DNAH11: variants seen among roughly 807,000 people sequenced by gnomAD.
DNAH11 encodes axonemal beta dynein heavy chain 11.
DNAH11 carries 442 observed loss-of-function variants against 526.0 expected under a neutral mutation model. The ratio of observed to expected loss-of-function variants is 0.84; its 90% confidence interval spans 0.78 to 0.91. The LOEUF is 0.91. DNAH11 is among the 40% of genes least tolerant of loss of function. The pLI is 0.00. For missense variants in DNAH11, 6,989 were observed against 5,448.7 expected (o/e 1.28, Z -8.90); for synonymous variants, 2,461 against 1,935.9 (o/e 1.27, Z -7.12).
At chr7:21,725,594 A>G (rs1384396471) in intron 44 of DNAH11, among the ~76,000 whole-genome samples, 2 of 152,236 alleles carry the variant, frequency 1.3e-5, no homozygotes, top group African/African-American at 4.8e-5. Context: ...GAATTTGCAT[A>G]ATACGTTGTC....
At chr7:21,771,269 A>G (rs773530964) in intron 55 of DNAH11, among the ~76,000 whole-genome samples, 4 of 152,164 alleles carry the variant, frequency 2.6e-5, no homozygotes, top group African/African-American at 9.7e-5. Flanking sequence ...CAATGTAGTC[A>G]TCTTTGCTGG....
chr7:21,848,851 G>C (rs1416921066), intron 66 of DNAH11, among the ~76,000 whole-genome samples: 1 of 151,846 alleles, frequency 6.6e-6, no homozygotes, highest in Non-Finnish European at 1.5e-5. Context: ...CTTAGCATTT[G>C]CAATATACAT....
chr7:21,543,413 C>G lies in DNAH11; in HGVS notation c.168C>G (p.Asp56Glu), dbSNP rs978373825. ...GGAGAGCGCGGAGTTTCGCCCAAGA[C>G]GCGCGGGTGCGCTTCCTCGGCGGCC... ...AARRARSFAQ[D>E]ARVRFLGGRL... is the part of the protein sequence containing the mutation. Residue 56 changes from aspartate to glutamate, a missense_variant, in exon 1 of 82, where the codon GAC (aspartate) becomes GAG (glutamate). By Grantham distance (45) the Asp-to-Glu change is conservative (BLOSUM62 2). Coordinates refer to ENST00000409508, the MANE Select transcript of DNAH11 (RefSeq NM_001277115.2). 18 of 1,554,226 alleles carry G rather than the reference C, an allele frequency of 1.2e-5. No individual in the cohort carries two copies. In the Admixed American group the frequency reaches 2.3e-4, roughly 20 times the overall value.
rs556451786 is a variant in DNAH11 at position 21,852,297 on chromosome 7, C to T, written c.10897-170C>T. Among the ~76,000 whole-genome samples the T allele has an allele frequency of 4.0e-5, 6 of 151,726 alleles. No homozygotes were observed. In the East Asian group the frequency reaches 9.7e-4, roughly 25 times the overall value. ...TGGCAGGCACCTGTAATCTCAGCTA[C>T]TCGGGAGGCTGAGGCAGGAGAATCG... On this transcript the variant is annotated intron_variant, in intron 66 of 81. Transcript: ENST00000409508.
At chr7:21,854,986 G>A (rs1056484967) in intron 68 of DNAH11, among the ~76,000 whole-genome samples, 15 of 151,012 alleles carry the variant, frequency 9.9e-5, no homozygotes, top group Middle Eastern at 3.5e-3. Context: ...CTGTGCATAC[G>A]GTATCATATT....
intron 30 of DNAH11, among the ~76,000 whole-genome samples, chr7:21,671,148 C>A (rs951258039): frequency 1.3e-5 from 2 of 152,114 alleles, no homozygotes; most frequent in South Asian, 4.2e-4. Context: ...AAATTGATTT[C>A]TTTTATACAT....
chr7:21,773,789 C>A lies in DNAH11; in HGVS notation c.9126C>A (p.Ser3042Arg). 1 of 1,601,400 alleles carries A rather than the reference C, an allele frequency of 6.2e-7. No homozygotes were observed. Among genetic ancestry groups the A allele is most frequent in the Non-Finnish European group, 8.5e-7 (1 of 1,174,306 alleles). The change falls in exon 56 of 82, where the codon AGC becomes AGA. Residue 3042 changes from serine to arginine, a missense_variant. Coordinates refer to ENST00000409508, the MANE Select transcript of DNAH11 (RefSeq NM_001277115.2). ...GIEPVHKDSISLFMAHVHTTV... is the reference protein window; with the variant it reads ...GIEPVHKDSIRLFMAHVHTTV... The stretch of plus-strand genomic sequence containing the variant: ...AGCCAGTGCACAAAGACTCTATTAG[C>A]CTTTTCATGGCACATGTTCACACCA...
chr7:21,599,939 G>T lies in DNAH11; in HGVS notation c.2820G>T (p.Pro940=), dbSNP rs377575914. 6 of 1,613,284 alleles carry T rather than the reference G, an allele frequency of 3.7e-6. No homozygotes were observed. The African/African-American group carries it at 8.0e-5, about 22-fold the overall frequency. Residue 940 remains proline (P), a synonymous_variant, in exon 15 of 82, where the codon CCG becomes CCT. Coordinates refer to ENST00000409508, the MANE Select transcript of DNAH11 (RefSeq NM_001277115.2). ...AGAATACAGAGAAACAATTGAAACC[G>T]GCACCGTTTTTTCAAGCACAAATGA... is the stretch of plus-strand genomic sequence containing the variant. ...FLKNTEKQLK[P]APFFQAQMIL...
At chr7:21,733,374 G>C (rs1001043339) in intron 45 of DNAH11, among the ~76,000 whole-genome samples, 1 of 152,108 alleles carries the variant, frequency 6.6e-6, no homozygotes, top group Admixed American at 6.6e-5. Flanking sequence ...AGCAACAAGA[G>C]CGAGACTCCA....
intron 66 of DNAH11, among the ~76,000 whole-genome samples, chr7:21,849,129 C>T (rs549442278): frequency 2.0e-5 from 3 of 152,356 alleles, no homozygotes; most frequent in African/African-American, 7.2e-5. Context: ...AGGTGTTCCA[C>T]CTGCCTCGGC....
intron 9 of DNAH11, among the ~76,000 whole-genome samples, chr7:21,584,320 A>G (rs1047186625): frequency 2.0e-5 from 3 of 152,160 alleles, no homozygotes; most frequent in Non-Finnish European, 4.4e-5. Flanking sequence ...CAGCAAACTA[A>G]CACAGGAACA....
chr7:21,679,763 T>C (rs920441), intron 30 of DNAH11, among the ~76,000 whole-genome samples: 17,739 of 152,184 alleles, frequency 0.12, 1,198 homozygotes, highest in African/African-American at 0.18. Flanking sequence ...AGTCAGACTG[T>C]TGGGATTTGA....
At chr7:21,845,280 G>A (rs1460788707) in intron 66 of DNAH11, among the ~76,000 whole-genome samples, 1 of 152,098 alleles carries the variant, frequency 6.6e-6, no homozygotes, top group East Asian at 1.9e-4. Context: ...TCATATCTAA[G>A]AAATCATTAA....
At chr7:21,622,741 G>A (rs1298454816) in intron 25 of DNAH11, among the ~76,000 whole-genome samples, 1 of 152,126 alleles carries the variant, frequency 6.6e-6, no homozygotes, top group Non-Finnish European at 1.5e-5. Flanking sequence ...TTAATAAATG[G>A]TGCTGGGAAA....
intron 65 of DNAH11, among the ~76,000 whole-genome samples, chr7:21,830,904 G>A (rs1225796563): frequency 6.6e-6 from 1 of 152,154 alleles, no homozygotes; most frequent in Non-Finnish European, 1.5e-5. Flanking sequence ...TCTGTTCTGA[G>A]ATTACTTAAG....
chr7:21,550,871 A>C (rs1325473523), intron 2 of DNAH11, among the ~76,000 whole-genome samples: 1 of 152,202 alleles, frequency 6.6e-6, no homozygotes, highest in Non-Finnish European at 1.5e-5. Context: ...TAGTCTTTCT[A>C]CTTTGGGCAT....
At chr7:21,593,002 A>G (rs1784742106) in intron 14 of DNAH11, among the ~76,000 whole-genome samples, 1 of 152,198 alleles carries the variant, frequency 6.6e-6, no homozygotes, top group Non-Finnish European at 1.5e-5. Context: ...CAGGTAAGTA[A>G]CAGAGAATTG....
In DNAH11 at chr7:21,599,814, C is replaced by A; in HGVS notation, c.2695C>A (p.Pro899Thr). ...EENRKLFKAN[P>T]SLDTWKIYVE... ...AAATAGGAAGCTCTTCAAAGCCAATCCCTCTCTGGATACCTGGAAAATTTA... is the reference window on the plus strand; with the variant it reads ...AAATAGGAAGCTCTTCAAAGCCAATACCTCTCTGGATACCTGGAAAATTTA... The change falls in exon 15 of 82, where the codon CCC becomes ACC. Residue 899 changes from proline (P) to threonine (T), a missense_variant. Coordinates refer to ENST00000409508, the MANE Select transcript of DNAH11 (RefSeq NM_001277115.2). 6.3e-7 allele frequency: 1 copy of A among 1,582,346 alleles called. No individual in the cohort carries two copies. Among genetic ancestry groups the A allele is most frequent in the Non-Finnish European group, 8.6e-7 (1 of 1,161,340 alleles).
chr7:21,771,787 T>C (rs1787443806), intron 55 of DNAH11, among the ~76,000 whole-genome samples: 1 of 151,982 alleles, frequency 6.6e-6, no homozygotes. Context: ...AATACAGCAT[T>C]GCGTAGCCCT....
Sources: allele counts gnomAD v4.1 joint callset (sites outside exome capture counted in the v4.1 genomes callset), GRCh38; gene constraint gnomAD v4.1.1; transcripts MANE v1.5; gene names NCBI Gene and HGNC (gene_info 2026-07-23, HGNC 2026-07-21).